GAB1: variants seen among roughly 807,000 people sequenced by gnomAD.
GAB1 encodes GRB2 associated binding protein 1, also known as GRB2-associated-binding protein 1.
Under a neutral mutation model 66.5 loss-of-function variants are expected in GAB1, and 19 were observed. The observed-to-expected ratio is 0.29, with a 90% CI of 0.20 to 0.42. The LOEUF (loss-of-function observed/expected upper bound fraction) is 0.42, where lower values mean the gene tolerates loss of function less well. Ranked by LOEUF, GAB1 falls within the 10% of genes least tolerant of loss-of-function variation. The pLI, the probability that GAB1 is intolerant of heterozygous loss-of-function variation, is 1.00. For synonymous variants in GAB1, 294 were observed against 301.4 expected, an observed-to-expected ratio of 0.98 and a Z score of 0.25; for missense variants, 732 against 858.5, an observed-to-expected ratio of 0.85 and a Z score of 1.84.
chr4:143,459,501 G>A (rs946937868), intron 7 of GAB1, 23 bp downstream of exon 7: 3 of 1,232,226 alleles, frequency 2.4e-6, no homozygotes, highest in African/African-American at 3.0e-5. Context: ...TCTAAAATAT[G>A]TAGTTTGTAT....
Position 143,470,952 on chromosome 4 carries a change from A to T in GAB1, c.*1763A>T, listed in dbSNP as rs1261608893. The T allele has an allele frequency of 3.9e-5, 6 of 152,174 alleles. No individual in the cohort carries two copies. Among genetic ancestry groups the T allele is most frequent in the African/African-American group, 1.4e-4 (6 of 41,438 alleles). 9.4% of individuals were successfully genotyped at this position (152,174 alleles called of 1,614,324 possible). A position where few individuals can be genotyped will look rare whatever the true frequency, so the allele number is the denominator to read the frequency against. On this transcript the variant is annotated 3_prime_UTR_variant, in exon 10 of 10. Coordinates refer to ENST00000262994, the MANE Select transcript of GAB1 (RefSeq NM_002039.4). ...AACCCAGAAGTGAATTTTTAGGTGG[A>T]TTTTTAAATAAAAAAGATTGATTGA...
chr4:143,417,426 G>C (rs1174047101), intron 2 of GAB1: 2 of 425,922 alleles, frequency 4.7e-6, no homozygotes, highest in Non-Finnish European at 9.4e-6. Flanking sequence ...TCTTTTTTTT[G>C]AGATAGGATC....
At position 143,438,095 on chromosome 4, in the gene GAB1, T is replaced by C; in HGVS notation, c.690T>C (p.His230=). The change falls in exon 4 of 10, where the codon CAT becomes CAC. Residue 230 remains histidine, a synonymous_variant. Transcript: ENST00000262994. The part of the protein sequence containing the change: ...HKNPASSQSK[H]GMNGFFQQQM... The stretch of plus-strand genomic sequence containing the variant: ...ATCCTGCTTCCTCCCAGAGCAAACA[T>C]GGAATGAATGGCTTTTTTCAGCAGC... 6.2e-7 allele frequency: 1 copy of C among 1,614,012 alleles called. No individual in the cohort carries two copies. The highest frequency in any genetic ancestry group is 8.5e-7 in the Non-Finnish European group (1 of 1,179,976).
In GAB1 at chr4:143,460,453, T is replaced by C. The variant is rs1395109018; in HGVS notation, c.1769T>C (p.Val590Ala). The C allele has an allele frequency of 1.2e-5, 20 of 1,613,804 alleles. No individual in the cohort carries two copies. The Admixed American group carries it at 3.3e-4, about 27-fold the overall frequency. Residue 590 changes from valine to alanine, a missense_variant, in exon 8 of 10, where the codon GTT becomes GCT. By Grantham distance (64) the Val-to-Ala change is moderately conservative (BLOSUM62 0). Transcript: ENST00000262994. ...SDSHDSEENY[V>A]PMNPNLSSED... ...TCACACGACAGTGAAGAGAATTATG[T>C]TCCCATGAACCCAAACCTGTCCAGT...
At chr4:143,459,551 A>G in intron 7 of GAB1, 73 bp downstream of exon 7, 1 of 902,524 alleles carries the variant, frequency 1.1e-6, no homozygotes, top group South Asian at 1.4e-5. Flanking sequence ...TATCATGGAA[A>G]ATATCTGGAA....
At chr4:143,376,755 G>C (rs1338317006) in intron 1 of GAB1, 1 of 152,174 alleles carries the variant, frequency 6.6e-6, no homozygotes, top group Admixed American at 6.5e-5. Context: ...ATAACCAAGA[G>C]AATTTGGTTC....
intron 1 of GAB1, chr4:143,349,228 A>AT (rs113813866): frequency 0.012 from 6,981 of 604,376 alleles, 298 homozygotes; most frequent in African/African-American, 0.11. Context: ...TTTTATTTTG[A>AT]TTTTTTTTTC....
rs372282076 is a variant in GAB1, at chr4:143,439,907, G to C, written c.1281+20G>C. On this transcript the variant is annotated intron_variant, in intron 5 of 9. Coordinates refer to ENST00000262994, the MANE Select transcript of GAB1 (RefSeq NM_002039.4). ...CACTTTGTAAGTATAATTGACCTTG[G>C]CATCATCAAGTGTATTTCATTGTCT... 1.3e-6 allele frequency: 2 copies of C among 1,558,266 alleles called. No homozygotes were observed. The highest frequency in any genetic ancestry group is 1.1e-5 in the South Asian group (1 of 89,856).
intron 1 of GAB1, among the ~76,000 whole-genome samples, chr4:143,362,147 C>T (rs918237467): frequency 1.3e-5 from 2 of 152,104 alleles, no homozygotes; most frequent in Admixed American, 1.3e-4. Flanking sequence ...GTCCACCCTA[C>T]ATGGCATACT....
chr4:143,338,763 G>GGAGATAAAA (rs1165433638), intron 1 of GAB1, among the ~76,000 whole-genome samples: 1 of 150,100 alleles, frequency 6.7e-6, no homozygotes, highest in Non-Finnish European at 1.5e-5. Context: ...AAAGGGGTAG[G>GGAGATAAAA]GAGATAAATA....
chr4:143,446,347 C>T (rs1188863597), intron 6 of GAB1, among the ~76,000 whole-genome samples: 5 of 152,136 alleles, frequency 3.3e-5, no homozygotes, highest in Admixed American at 6.6e-5. Flanking sequence ...TTGCTAGTTC[C>T]AGATCCCTGA....
Position 143,471,735 on chromosome 4 carries a change from G to A in GAB1, c.*2546G>A, listed in dbSNP as rs1466068505. 2.6e-5 allele frequency: 4 copies of A among 152,266 alleles called. No individual in the cohort carries two copies. Among genetic ancestry groups the A allele is most frequent in the Non-Finnish European group, 5.9e-5 (4 of 67,994 alleles). 9.4% of individuals were successfully genotyped at this position (152,266 alleles called of 1,614,324 possible). ...CATCTCAGGAAATTCTTTAATTAGA[G>A]ATAGCTAAAGTTATTCAAGGTCTAT... On this transcript the variant is annotated 3_prime_UTR_variant, in exon 10 of 10. Coordinates refer to ENST00000262994, the MANE Select transcript of GAB1 (RefSeq NM_002039.4).
intron 6 of GAB1, chr4:143,457,722 A>G: frequency 6.3e-7 from 1 of 1,577,828 alleles, no homozygotes; most frequent in Non-Finnish European, 8.5e-7. Context: ...CATGGTTTAG[A>G]GCGAACTGAT....
At chr4:143,429,249 C>T (rs1241389921) in intron 2 of GAB1, among the ~76,000 whole-genome samples, 3 of 152,052 alleles carry the variant, frequency 2.0e-5, no homozygotes, top group South Asian at 2.1e-4. Flanking sequence ...ACTACAGGCA[C>T]GTGCCACCAC....
At chr4:143,401,206 A>AT (rs1382940964) in intron 1 of GAB1, among the ~76,000 whole-genome samples, 45 of 152,104 alleles carry the variant, frequency 3.0e-4, no homozygotes, top group Middle Eastern at 3.4e-3. Flanking sequence ...AGTTAAGCTA[A>AT]TTTTTTTTCT....
At chr4:143,460,511 C>G (rs1365446332) in intron 8 of GAB1, 24 bp downstream of exon 8, 2 of 1,610,748 alleles carry the variant, frequency 1.2e-6, no homozygotes, top group Non-Finnish European at 8.5e-7. Flanking sequence ...TAACTTTTCC[C>G]TTTCTGAGCA....
rs746748597 is a variant in GAB1 at position 143,433,714 on chromosome 4, C to G, written c.591C>G (p.Thr197=). The G allele has an allele frequency of 1.9e-6, 3 of 1,611,196 alleles. No individual in the cohort carries two copies. The highest frequency in any genetic ancestry group is 2.5e-6 in the Non-Finnish European group (3 of 1,177,448). ...INCQSKKPEP[T]RTHADSAKST... ...GTCAAAGCAAGAAGCCCGAACCCAC[C>G]AGGTAAATTATATATGCCCATGTGA... The change falls in exon 3 of 10, where the codon ACC becomes ACG. Residue 197 remains threonine (T), a splice_region_variant and synonymous_variant. Transcript: ENST00000262994.
chr4:143,434,366 CTT>C (rs11389050), intron 3 of GAB1, among the ~76,000 whole-genome samples: 33 of 137,398 alleles, frequency 2.4e-4, no homozygotes, highest in African/African-American at 2.9e-4. Flanking sequence ...TTTTATTTAT[CTT>C]TTTTTTTTTT....
chr4:143,426,119 CCTT>C (rs1329173583), intron 2 of GAB1: 3 of 465,902 alleles, frequency 6.4e-6, no homozygotes, highest in African/African-American at 3.9e-5. Flanking sequence ...GGTTGGTTCA[CCTT>C]CTATTTACTC....
Sources: gnomAD v4.1 joint callset for allele counts (sites outside exome capture counted in the v4.1 genomes callset) on GRCh38, gnomAD v4.1.1 for gene constraint, MANE v1.5 for transcripts, NCBI Gene and HGNC (gene_info 2026-07-23, HGNC 2026-07-21) for gene names.